The following SF3A1 variants were observed in gnomAD, a reference collection of about 807,000 sequenced individuals.
SF3A1 encodes the protein SAP 114.
SF3A1 carries 13 observed loss-of-function variants against 89.9 expected under a neutral mutation model. The observed-to-expected ratio is 0.14, with a 90% CI of 0.09 to 0.23. The LOEUF (loss-of-function observed/expected upper bound fraction) is 0.23, where lower values mean the gene tolerates loss of function less well. Ranked by LOEUF, SF3A1 falls within the 10% of genes least tolerant of loss-of-function variation. The pLI, the probability that SF3A1 is intolerant of heterozygous loss-of-function variation, is 1.00. For missense variants in SF3A1, 604 were observed against 1,022.1 expected, an observed-to-expected ratio of 0.59 and a Z score of 5.58; for synonymous variants, 405 against 374.4, an observed-to-expected ratio of 1.08 and a Z score of -0.94.
At chr22:30,350,405 C>T (rs1931555741) in intron 2 of SF3A1, among the ~76,000 whole-genome samples, 1 of 151,728 alleles carries the variant, frequency 6.6e-6, no homozygotes, top group African/African-American at 2.4e-5. Flanking sequence ...TAACTTGAGC[C>T]CAGGAGTTCA....
At chr22:30,356,682 G>T in intron 1 of SF3A1, 48 bp downstream of exon 1, 3 of 1,374,802 alleles carry the variant, frequency 2.2e-6, no homozygotes, top group Non-Finnish European at 1.9e-6. Flanking sequence ...AGTAAGGAGC[G>T]CCCAGGCCAA....
In SF3A1 at chr22:30,337,729, T is replaced by C. The variant is rs1931115913; in HGVS notation, c.1912A>G (p.Ile638Val). 9.3e-7 allele frequency: 1 copy of C among 1,073,552 alleles called. No individual in the cohort carries two copies. Among genetic ancestry groups the C allele is most frequent in the African/African-American group, 1.6e-5 (1 of 61,078 alleles). 66.5% of individuals were successfully genotyped at this position (1,073,552 alleles called of 1,614,324 possible). Reference protein sequence around the residue: ...VVPMPPSAPPIMAPRPPPMIV... With the variant: ...VVPMPPSAPPVMAPRPPPMIV... ...ATGGGGGGTGGGCGGGGGGCCATAA[T>C]AGGAGGGGCCGAGGGAGGCATGGGC... Residue 638 changes from isoleucine (I) to valine (V), a missense_variant, in exon 12 of 16, where the codon ATT becomes GTT. Physicochemically the swap from Ile to Val is conservative, Grantham distance 29. Around this residue, in one of 9 missense-constraint regions of SF3A1, gnomAD observed 85 missense variants for 137.3 expected, o/e 0.62. Coordinates refer to ENST00000215793, the MANE Select transcript of SF3A1 (RefSeq NM_005877.6).
At position 30,356,827 on chromosome 22, in the gene SF3A1, T is replaced by A; in HGVS notation, c.-35A>T. 7.6e-7 allele frequency: 1 copy of A among 1,317,844 alleles called. No homozygotes were observed. The highest frequency in any genetic ancestry group is 2.4e-4 in the Middle Eastern group (1 of 4,232). 81.6% of individuals were successfully genotyped at this position (1,317,844 alleles called of 1,614,324 possible). On this transcript the variant is annotated 5_prime_UTR_variant, in exon 1 of 16. Transcript: ENST00000215793. Reference sequence around the variant, plus strand: ...GCTCAGGGCTGCCAGTCCGCCTCGGTGTCGGTGAGCGGTGCCGCCTCAAGA... The same window carrying A: ...GCTCAGGGCTGCCAGTCCGCCTCGGAGTCGGTGAGCGGTGCCGCCTCAAGA...
chr22:30,351,301 TAA>T (rs796147259), intron 2 of SF3A1, among the ~76,000 whole-genome samples: 13 of 143,342 alleles, frequency 9.1e-5, no homozygotes, highest in South Asian at 2.2e-4. Flanking sequence ...CCATGTCATT[TAA>T]AAAAAAAAAA....
chr22:30,332,286 G>C lies in SF3A1; in HGVS notation c.*2308C>G, dbSNP rs1930941632. 1 of 152,218 alleles carries C rather than the reference G, an allele frequency of 6.6e-6. No individual in the cohort carries two copies. The highest frequency in any genetic ancestry group is 6.5e-5 in the Admixed American group (1 of 15,288). 9.4% of individuals were successfully genotyped at this position (152,218 alleles called of 1,614,324 possible). The stretch of plus-strand genomic sequence containing the variant: ...AAGTACTTAAGTAGTGGGTAGAACT[G>C]AAAGTGAAATTCCTTAATGTCTACA... On this transcript the variant is annotated 3_prime_UTR_variant, in exon 16 of 16. Coordinates refer to ENST00000215793, the MANE Select transcript of SF3A1 (RefSeq NM_005877.6).
intron 13 of SF3A1, among the ~76,000 whole-genome samples, chr22:30,336,732 C>G (rs1043811272): frequency 2.0e-5 from 3 of 152,158 alleles, no homozygotes; most frequent in Non-Finnish European, 4.4e-5. Context: ...GTGAGTTGTG[C>G]TGCCCGTGCT....
intron 3 of SF3A1, among the ~76,000 whole-genome samples, chr22:30,345,471 G>A (rs1007589888): frequency 1.3e-5 from 2 of 152,178 alleles, no homozygotes; most frequent in Admixed American, 6.5e-5. Context: ...CCAAAACTGG[G>A]TGACAGAAGA....
chr22:30,346,262 T>C (rs1931415387), intron 3 of SF3A1, 50 bp downstream of exon 3: 4 of 1,249,974 alleles, frequency 3.2e-6, no homozygotes, highest in Non-Finnish European at 4.7e-6. Context: ...TCCCTATCCC[T>C]GTTTCCCTCT....
chr22:30,351,111 C>T (rs1030314404), intron 2 of SF3A1, among the ~76,000 whole-genome samples: 2 of 152,106 alleles, frequency 1.3e-5, no homozygotes, highest in Non-Finnish European at 1.5e-5. Context: ...CCAGCCTGGC[C>T]AACACGGTGA....
intron 8 of SF3A1, 122 bp downstream of exon 8, chr22:30,340,573 C>T (rs980410707): frequency 7.2e-6 from 6 of 835,354 alleles, no homozygotes; most frequent in Middle Eastern, 2.3e-4. Context: ...AACAGACGGG[C>T]TTGCAATGCT....
Position 30,350,304 on chromosome 22 carries a change from T to TA in SF3A1, c.185+2646dup, listed in dbSNP as rs567383762. 1.0e-3 allele frequency among the ~76,000 whole-genome samples: 137 copies of TA among 135,178 alleles called. 4 individuals are homozygous for TA. In the South Asian group the frequency reaches 0.026, roughly 25 times the overall value. 88.7% of individuals were successfully genotyped at this position (135,178 alleles called of 152,430 possible). On this transcript the variant is annotated intron_variant, in intron 2 of 15. Coordinates refer to ENST00000215793, the MANE Select transcript of SF3A1 (RefSeq NM_005877.6). ...AAAGACCCCATCTATACAAAAAAAC[T>TA]AAAAAAAATAAAAAAAATAAAAAAA...
chr22:30,342,645 T>A (rs933679292), intron 5 of SF3A1, 160 bp downstream of exon 5: 2 of 637,288 alleles, frequency 3.1e-6, no homozygotes, highest in East Asian at 5.4e-5. Context: ...TTGGGAAGCA[T>A]CCGGACTCCA....
chr22:30,341,818 T>C lies in SF3A1; in HGVS notation c.945A>G (p.Glu315=), dbSNP rs1297442829. The change falls in exon 7 of 16, where the codon GAA becomes GAG. Residue 315 remains glutamate (E), a synonymous_variant. Transcript: ENST00000215793. ...GARILIQERY[E]KFGESEEVEM... is the part of the protein sequence containing the mutation. ...CAACTTCCTCACTCTCCCCAAACTT[T>C]TCATAGCGCTCCTGAATGAGGATTC... 1 of 1,614,068 alleles carries C rather than the reference T, an allele frequency of 6.2e-7. No individual in the cohort carries two copies. Among genetic ancestry groups the C allele is most frequent in the South Asian group, 1.1e-5 (1 of 91,070 alleles).
chr22:30,339,523 G>T, intron 9 of SF3A1, among the ~76,000 whole-genome samples: 1 of 152,198 alleles, frequency 6.6e-6, no homozygotes, highest in East Asian at 1.9e-4. Context: ...GGGGGCCAAG[G>T]CAGGAGGATC....
chr22:30,338,468 A>AG (rs1931146744), intron 11 of SF3A1, among the ~76,000 whole-genome samples: 1 of 151,544 alleles, frequency 6.6e-6, no homozygotes, highest in Admixed American at 6.6e-5. Context: ...CAAAAAAAAA[A>AG]AAAAAAGAGG....
Position 30,332,940 on chromosome 22 carries a change from G to A in SF3A1, c.*1654C>T, listed in dbSNP as rs1332426696. The A allele has an allele frequency of 6.6e-6, 1 of 152,260 alleles. No individual in the cohort carries two copies. The highest frequency in any genetic ancestry group is 1.5e-5 in the Non-Finnish European group (1 of 68,098). The allele number at this position is 152,260 out of a possible 1,614,324, so 9.4% of individuals were successfully genotyped here. Reference sequence around the variant, plus strand: ...GCTCCCAGAAAGAAAGAAGAACTTGGAATATGAGACTCCCCAGGTCTCCTG... The same window carrying A: ...GCTCCCAGAAAGAAAGAAGAACTTGAAATATGAGACTCCCCAGGTCTCCTG... On this transcript the variant is annotated 3_prime_UTR_variant, in exon 16 of 16. Coordinates refer to ENST00000215793, the MANE Select transcript of SF3A1 (RefSeq NM_005877.6).
At position 30,342,189 on chromosome 22, in the gene SF3A1, C is replaced by T. The variant is rs1931281317; in HGVS notation, c.877+11G>A. 1 of 1,614,060 alleles carries T rather than the reference C, an allele frequency of 6.2e-7. No individual in the cohort carries two copies. Among genetic ancestry groups the T allele is most frequent in the African/African-American group, 1.3e-5 (1 of 74,930 alleles). ...TGGCTCCCCATCTGGAGTCACTCCT[C>T]ACAGACCTACCTTGCTCATTGGGTT... On this transcript the variant is annotated intron_variant, in intron 6 of 15. Coordinates refer to ENST00000215793, the MANE Select transcript of SF3A1 (RefSeq NM_005877.6).
chr22:30,345,180 T>G lies in SF3A1; in HGVS notation c.404A>C (p.Gln135Pro). 1 of 1,613,396 alleles carries G rather than the reference T, an allele frequency of 6.2e-7. No homozygotes were observed. The highest frequency in any genetic ancestry group is 8.5e-7 in the Non-Finnish European group (1 of 1,179,510). ...GGGCACGATGGTCTCTTGGATTACT[T>G]GGGCTTGGACCTAAGATGCAAAGGG... ...QQQLPQKVQA[Q>P]VIQETIVPKE... The change falls in exon 4 of 16, where the codon CAA becomes CCA. Residue 135 changes from glutamine to proline, a missense_variant. This residue lies in a region of SF3A1 where 162 missense variants were observed against 229.2 expected (regional missense o/e 0.71). Transcript: ENST00000215793.
chr22:30,351,590 T>A (rs1569175357), intron 2 of SF3A1, among the ~76,000 whole-genome samples: 1 of 152,180 alleles, frequency 6.6e-6, no homozygotes, highest in African/African-American at 2.4e-5. Flanking sequence ...AGCTTCAACC[T>A]TCTGGGCCCA....
Sources: gnomAD v4.1 joint callset for allele counts (sites outside exome capture counted in the v4.1 genomes callset) on GRCh38, gnomAD v4.1.1 for gene constraint, gnomAD v4.1.1 regional missense constraint, MANE v1.5 for transcripts, NCBI Gene and HGNC (gene_info 2026-07-23, HGNC 2026-07-21) for gene names.